The following SYNE2 variants were observed in gnomAD, a reference collection of about 807,000 sequenced individuals.
SYNE2 encodes nesprin-2.
In SYNE2, 431 loss-of-function variants were observed where a neutral mutation model predicts 856.3. That is an observed-to-expected ratio of 0.50 (90% CI 0.47 to 0.55). The LOEUF is 0.55. Among genes scored for constraint, SYNE2 ranks in the 20% least tolerant of loss-of-function variants. The pLI, the probability that SYNE2 is intolerant of heterozygous loss-of-function variation, is 0.00. For synonymous variants in SYNE2, 2,923 were observed against 2,872.3 expected, an observed-to-expected ratio of 1.02 and a Z score of -0.56; for missense variants, 8,129 against 8,023.2, an observed-to-expected ratio of 1.01 and a Z score of -0.50.
At chr14:63,934,519 T>G (rs2153405271) in intron 2 of SYNE2, among the ~76,000 whole-genome samples, 1 of 151,538 alleles carries the variant, frequency 6.6e-6, no homozygotes, top group East Asian at 1.9e-4. Flanking sequence ...ACCCCTTTTA[T>G]CTAGTATCAT....
chr14:64,165,205 T>C, intron 89 of SYNE2, 80 bp from the exon 90 acceptor site: 1 of 1,498,454 alleles, frequency 6.7e-7, no homozygotes, highest in Non-Finnish European at 9.2e-7. Flanking sequence ...CTTGAATTTT[T>C]AGCAGCTCCC....
rs181167843 is a variant in SYNE2 at position 64,198,694 on chromosome 14, T to C, written c.18039-4107T>C. Among the ~76,000 whole-genome samples the C allele has an allele frequency of 2.7e-3, 413 of 152,290 alleles. 3 individuals carry two copies. The highest frequency in any genetic ancestry group is 4.5e-3 in the Non-Finnish European group (309 of 68,010). ...CTGTGATGTGAATGTCCGTCACTGC[T>C]TCATTGGCCCTGTGTGAAACCAGGG... On this transcript the variant is annotated intron_variant, in intron 99 of 115. Transcript: ENST00000555002.
chr14:63,870,932 T>C (rs1318962521), intron 1 of SYNE2, among the ~76,000 whole-genome samples: 1 of 152,228 alleles, frequency 6.6e-6, no homozygotes, highest in Non-Finnish European at 1.5e-5. Flanking sequence ...ACTCATGATA[T>C]CCCAGATTCA....
intron 84 of SYNE2, among the ~76,000 whole-genome samples, chr14:64,150,859 G>A (rs2098235663): frequency 6.6e-6 from 1 of 152,196 alleles, no homozygotes; most frequent in South Asian, 2.1e-4. Context: ...GATGGACAGA[G>A]GTAGCAGCTG....
rs770873165 is a variant in SYNE2, at chr14:64,141,491, C to G, written c.15127C>G (p.Gln5043Glu). The change falls in exon 81 of 116, where the codon CAA becomes GAA. Residue 5043 changes from glutamine (Q) to glutamate (E), a missense_variant. Coordinates refer to ENST00000555002, the MANE Select transcript of SYNE2 (RefSeq NM_182914.3). ...ACAAAAATGGACAATGCTCATAACT[C>G]AACTTCCAGATATTCAAGAAAAACT... is the stretch of plus-strand genomic sequence containing the variant. ...FEQKWTMLITQLPDIQEKLHQ... is the reference protein window; with the variant it reads ...FEQKWTMLITELPDIQEKLHQ... The G allele has an allele frequency of 6.2e-7, 1 of 1,613,998 alleles. No homozygotes were observed. Among genetic ancestry groups the G allele is most frequent in the Non-Finnish European group, 8.5e-7 (1 of 1,179,964 alleles).
At chr14:64,048,399 A>G in intron 46 of SYNE2, 1 of 321,434 alleles carries the variant, frequency 3.1e-6, no homozygotes, top group South Asian at 6.0e-5. Context: ...CTAAAGACTT[A>G]GTGAGAAAAT....
chr14:63,964,234 G>T (rs1336620679), intron 10 of SYNE2, among the ~76,000 whole-genome samples: 2 of 152,216 alleles, frequency 1.3e-5, no homozygotes, highest in Admixed American at 6.5e-5. Flanking sequence ...CCAAGTTTTT[G>T]TGTTTCTAAC....
At chr14:64,031,796 CTGT>C in intron 45 of SYNE2, among the ~76,000 whole-genome samples, 1 of 152,350 alleles carries the variant, frequency 6.6e-6, no homozygotes, top group East Asian at 1.9e-4. Flanking sequence ...TGTTAACCCT[CTGT>C]TGTTAGATCA....
chr14:64,215,060 C>CAGA (rs2098659560), intron 106 of SYNE2, among the ~76,000 whole-genome samples: 1 of 152,086 alleles, frequency 6.6e-6, no homozygotes, highest in African/African-American at 2.4e-5. Context: ...TTGAGTTTCT[C>CAGA]AGAGTGTCTG....
chr14:64,143,307 TA>T (rs2098155075), intron 82 of SYNE2, among the ~76,000 whole-genome samples: 1 of 152,196 alleles, frequency 6.6e-6, no homozygotes, highest in Non-Finnish European at 1.5e-5. Flanking sequence ...TGAGAGGCCT[TA>T]ACTATCCCCG....
chr14:64,152,099 T>C (rs537577720), intron 84 of SYNE2, among the ~76,000 whole-genome samples: 1 of 152,334 alleles, frequency 6.6e-6, no homozygotes, highest in East Asian at 1.9e-4. Context: ...TTAAAGTTAT[T>C]ACTGAACTAC....
chr14:64,053,622 C>T lies in SYNE2; in HGVS notation c.9709C>T (p.Gln3237Ter). 1 of 1,613,066 alleles carries T rather than the reference C, an allele frequency of 6.2e-7. No individual in the cohort carries two copies. Among genetic ancestry groups the T allele is most frequent in the Non-Finnish European group, 8.5e-7 (1 of 1,179,696 alleles). ...ETKLREFEDL[Q>*]MQLNTSIDLR... ...AAAACTACGTGAGTTTGAAGATCTT[C>T]AGATGCAGCTTAACACAAGCATTGA... The change falls in exon 48 of 116, where the codon CAG becomes TAG. Residue 3237 changes from glutamine to a stop codon, truncating the protein, a stop_gained. Transcript: ENST00000555002. LOFTEE classifies it high-confidence loss of function.
intron 99 of SYNE2, among the ~76,000 whole-genome samples, chr14:64,196,516 G>A (rs1434005780): frequency 1.3e-5 from 2 of 152,164 alleles, no homozygotes; most frequent in African/African-American, 4.8e-5. Flanking sequence ...AGGATGTTCA[G>A]GACCAAAAGG....
intron 95 of SYNE2, 89 bp from the exon 96 acceptor site, chr14:64,177,269 A>G: frequency 6.6e-7 from 1 of 1,520,028 alleles, no homozygotes; most frequent in Non-Finnish European, 9.1e-7. Context: ...CTTAATAGAA[A>G]GATTATGTGG....
intron 96 of SYNE2, 133 bp from the exon 97 acceptor site, chr14:64,186,291 C>A: frequency 8.6e-7 from 1 of 1,168,726 alleles, no homozygotes. Context: ...GGGCTGTTTC[C>A]CATTCAGAAG....
chr14:64,196,070 G>A lies in SYNE2; in HGVS notation c.18038+5833G>A, dbSNP rs114983050. Reference sequence around the variant, plus strand: ...GGCAGGTCCAGTGTACTGAGCCTCAGAGGTTCACGTTCAGCAGGTTGCAGG... The same window carrying A: ...GGCAGGTCCAGTGTACTGAGCCTCAAAGGTTCACGTTCAGCAGGTTGCAGG... On this transcript the variant is annotated intron_variant, in intron 99 of 115. Transcript: ENST00000555002. 4.9e-3 allele frequency among the ~76,000 whole-genome samples: 744 copies of A among 152,352 alleles called. 7 individuals carry two copies. The highest frequency in any genetic ancestry group is 0.017 in the African/African-American group (697 of 41,578).
In SYNE2 at chr14:63,994,094, G is replaced by A. The variant is rs979480754; in HGVS notation, c.2781+125G>A. ...ATCACCAGTGGGCTGGTCCCTGCAG[G>A]CTGAAGTCCCAGGGTTCATACAGAG... On this transcript the variant is annotated intron_variant, in intron 22 of 115. Coordinates refer to ENST00000555002, the MANE Select transcript of SYNE2 (RefSeq NM_182914.3). The A allele has an allele frequency of 2.2e-5, 21 of 949,212 alleles. 1 individual carries two copies. The highest frequency in any genetic ancestry group is 4.3e-4 in the Middle Eastern group (2 of 4,658). The allele number at this position is 949,212 out of a possible 1,614,324, so 58.8% of individuals were successfully genotyped here. A position where few individuals can be genotyped will look rare whatever the true frequency, so the allele number is the denominator to read the frequency against.
chr14:63,874,985 T>C (rs984607956), intron 1 of SYNE2, among the ~76,000 whole-genome samples: 1 of 152,116 alleles, frequency 6.6e-6, no homozygotes, highest in Non-Finnish European at 1.5e-5. Context: ...AGAGATGGTG[T>C]CATCTAAATT....
At position 64,189,059 on chromosome 14, in the gene SYNE2, C is replaced by T. The variant is rs544033529; in HGVS notation, c.17871+351C>T. ...TATTAAGAAGCTCCCCTTGGCCTGG[C>T]GTGGTGGCTCATTGCTGTAATCCTA... On this transcript the variant is annotated intron_variant, in intron 98 of 115. Coordinates refer to ENST00000555002, the MANE Select transcript of SYNE2 (RefSeq NM_182914.3). 3.0e-4 allele frequency: 208 copies of T among 690,548 alleles called. 1 individual carries two copies. Among genetic ancestry groups the T allele is most frequent in the Middle Eastern group, 5.0e-4 (2 of 3,980 alleles). 42.8% of individuals were successfully genotyped at this position (690,548 alleles called of 1,614,324 possible). A position where few individuals can be genotyped will look rare whatever the true frequency, so the allele number is the denominator to read the frequency against.
Sources: allele counts gnomAD v4.1 joint callset (sites outside exome capture counted in the v4.1 genomes callset), GRCh38; gene constraint gnomAD v4.1.1; transcripts MANE v1.5; gene names NCBI Gene and HGNC (gene_info 2026-07-23, HGNC 2026-07-21).